The following PARP1 variants were observed in gnomAD, a reference collection of about 807,000 sequenced individuals.
The protein encoded by PARP1 is poly(ADP-ribose) polymerase 1, also known as poly [ADP-ribose] polymerase 1.
Under a neutral mutation model 118.7 loss-of-function variants are expected in PARP1, and 44 were observed. The ratio of observed to expected loss-of-function variants is 0.37; its 90% CI spans 0.29 to 0.48. PARP1 has a LOEUF of 0.48. PARP1 is among the 20% of genes least tolerant of loss of function. The pLI is 0.99. For synonymous variants in PARP1, 492 were observed against 483.2 expected (o/e 1.02, Z -0.24); for missense variants, 1,100 against 1,272.4 (o/e 0.86, Z 2.06).
At position 226,383,097 on chromosome 1, in the gene PARP1, C is replaced by T. The variant is rs1337157374; in HGVS notation, c.1098G>A (p.Ala366=). The T allele has an allele frequency of 5.0e-6, 8 of 1,613,050 alleles. No homozygotes were observed. The highest frequency in any genetic ancestry group is 3.3e-5 in the Admixed American group (2 of 60,014). ...AGGCTGTGGAGGGCGGAGGCGTGGC[C>T]GCCACGGAGGCGCTGGTTTCTGGGG... ...IFPPETSASV[A]ATPPPSTASA... The change falls in exon 8 of 23, where the codon GCG becomes GCA. Residue 366 remains alanine (A), a synonymous_variant. Coordinates refer to ENST00000366794, the MANE Select transcript of PARP1 (RefSeq NM_001618.4).
At chr1:226,363,308 T>A (rs1283314157) in intron 20 of PARP1, 148 bp from the exon 21 acceptor site, 2 of 708,534 alleles carry the variant, frequency 2.8e-6, no homozygotes, top group African/African-American at 3.5e-5. Flanking sequence ...CCCTCCTGAG[T>A]TTCTGGAACT....
In PARP1 at chr1:226,383,042, A is replaced by C. The variant is rs767449936; in HGVS notation, c.1153T>G (p.Ser385Ala). 6.2e-7 allele frequency: 1 copy of C among 1,612,820 alleles called. No individual in the cohort carries two copies. Among genetic ancestry groups the C allele is most frequent in the East Asian group, 2.2e-5 (1 of 44,886 alleles). ...GGGGTCCCAAATGCTGTACCTGCTGAAGCAGAGGAGTTCACAGCAGCAGGA... is the reference window on the plus strand; with the variant it reads ...GGGGTCCCAAATGCTGTACCTGCTGCAGCAGAGGAGTTCACAGCAGCAGGA... ...SAPAAVNSSA[S>A]ADKPLSNMKI... The change falls in exon 8 of 23, where the codon TCA (serine) becomes GCA (alanine). Residue 385 changes from serine to alanine, a missense_variant. By Grantham distance (99) the Ser-to-Ala change is moderately conservative. This residue lies in a region of PARP1 where 948 missense variants were observed against 1,031.8 expected (regional missense o/e 0.92). Transcript: ENST00000366794.
intron 20 of PARP1, among the ~76,000 whole-genome samples, 154 bp from the exon 21 acceptor site, chr1:226,363,314 G>C (rs924174891): frequency 1.3e-5 from 2 of 152,166 alleles, no homozygotes; most frequent in Non-Finnish European, 2.9e-5. Context: ...TGAGTTTCTG[G>C]AACTGTTCCA....
In PARP1 at chr1:226,377,308, A is replaced by G. The variant is rs757090772; in HGVS notation, c.1746-5T>C. On this transcript the variant is annotated splice_polypyrimidine_tract_variant and splice_region_variant and intron_variant, in intron 12 of 22. Transcript: ENST00000366794. ...CAGGACCTGAATATCCAATACCTGC[A>G]GTGGGAAGGAGGGTGTCAGATACAC... 1 of 1,611,830 alleles carries G rather than the reference A, an allele frequency of 6.2e-7. No homozygotes were observed. Among genetic ancestry groups the G allele is most frequent in the South Asian group, 1.1e-5 (1 of 91,034 alleles).
Position 226,381,201 on chromosome 1 carries a change from T to C in PARP1, c.1167A>G (p.Pro389=). 2 of 1,614,180 alleles carry C rather than the reference T, an allele frequency of 1.2e-6. No individual in the cohort carries two copies. Among genetic ancestry groups the C allele is most frequent in the South Asian group, 1.1e-5 (1 of 91,088 alleles). ...GAGTCAGGATCTTCATGTTGGATAA[T>C]GGCTTATCTGGGATGAAAGGAGAGA... ...AVNSSASADK[P]LSNMKILTLG... Residue 389 remains proline (P), a synonymous_variant, in exon 9 of 23, where the codon CCA becomes CCG. Coordinates refer to ENST00000366794, the MANE Select transcript of PARP1 (RefSeq NM_001618.4).
rs1199531585 is a variant in PARP1 at position 226,407,112 on chromosome 1, G to A, written c.120+698C>T. ...GAAGGCTCAGGAAACCTCAGAAGGGGATTCAATCTATCAAAAAGCCCACAT... is the reference window on the plus strand; with the variant it reads ...GAAGGCTCAGGAAACCTCAGAAGGGAATTCAATCTATCAAAAAGCCCACAT... On this transcript the variant is annotated intron_variant, in intron 1 of 22. Transcript: ENST00000366794. Among the ~76,000 whole-genome samples the A allele has an allele frequency of 3.9e-5, 6 of 152,218 alleles. No homozygotes were observed. In the South Asian group the frequency reaches 1.2e-3, roughly 32 times the overall value.
intron 15 of PARP1, among the ~76,000 whole-genome samples, chr1:226,369,007 G>A (rs956202513): frequency 6.6e-6 from 1 of 152,188 alleles, no homozygotes; most frequent in Non-Finnish European, 1.5e-5. Flanking sequence ...GAAGCCCCAC[G>A]CCTGCTTCTC....
At chr1:226,370,337 T>C in intron 15 of PARP1, 97 bp downstream of exon 15, 2 of 898,374 alleles carry the variant, frequency 2.2e-6, no homozygotes, top group Non-Finnish European at 3.8e-6. Flanking sequence ...TCCAGTTTCT[T>C]AACCTTGAGT....
chr1:226,384,364 T>C (rs73089880), intron 7 of PARP1, among the ~76,000 whole-genome samples: 4,011 of 152,360 alleles, frequency 0.026, 185 homozygotes, highest in African/African-American at 0.092. Flanking sequence ...GCTACAGAGC[T>C]GGCCTTGATT....
intron 2 of PARP1, among the ~76,000 whole-genome samples, chr1:226,399,551 T>G (rs1040643515): frequency 6.6e-6 from 1 of 152,158 alleles, no homozygotes; most frequent in Non-Finnish European, 1.5e-5. Context: ...GCACAGAGAT[T>G]TCCCAGGCAG....
chr1:226,381,137 T>G lies in PARP1; in HGVS notation c.1231A>C (p.Met411Leu). Residue 411 changes from methionine to leucine, a missense_variant, in exon 9 of 23, where the codon ATG (methionine) becomes CTG (leucine). Met to Leu is a conservative substitution (Grantham distance 15). Transcript: ENST00000366794. ...LSRNKDEVKAMIEKLGGKLTG... is the reference protein window; with the variant it reads ...LSRNKDEVKALIEKLGGKLTG... The stretch of plus-strand genomic sequence containing the variant: ...AACTTCCCCCCGAGTTTCTCAATCA[T>G]GGCCTTCACTTCATCCTTGTTCCGG... The G allele has an allele frequency of 6.2e-7, 1 of 1,614,188 alleles. No individual in the cohort carries two copies. Among genetic ancestry groups the G allele is most frequent in the Non-Finnish European group, 8.5e-7 (1 of 1,180,014 alleles).
At chr1:226,379,492 G>A (rs1008590801) in intron 11 of PARP1, 81 bp downstream of exon 11, 35 of 1,224,042 alleles carry the variant, frequency 2.9e-5, no homozygotes, top group Admixed American at 1.2e-4. Flanking sequence ...GGTATGCTGC[G>A]GGCATTTGGA....
At position 226,380,099 on chromosome 1, in the gene PARP1, C is replaced by T. The variant is rs1389888337; in HGVS notation, c.1366G>A (p.Glu456Lys). The change falls in exon 10 of 23, where the codon GAG becomes AAG. Residue 456 changes from glutamate (E) to lysine (K), a missense_variant. Coordinates refer to ENST00000366794, the MANE Select transcript of PARP1 (RefSeq NM_001618.4). ...GCGGAGACGTCCTGGAGGAAGTCCT[C>T]AGACACAACTCGGATGTTGGCTTCC... ...VKEANIRVVS[E>K]DFLQDVSAST... is the part of the protein sequence containing the mutation. The T allele has an allele frequency of 6.2e-7, 1 of 1,614,214 alleles. No individual in the cohort carries two copies. The highest frequency in any genetic ancestry group is 1.1e-5 in the South Asian group (1 of 91,082).
At chr1:226,402,445 T>A in intron 1 of PARP1, 66 bp from the exon 2 acceptor site, 1 of 1,468,696 alleles carries the variant, frequency 6.8e-7, no homozygotes, top group Non-Finnish European at 9.3e-7. Flanking sequence ...CCACTAGACC[T>A]TGACCTTGAC....
chr1:226,370,627 C>G, intron 14 of PARP1, 110 bp from the exon 15 acceptor site: 1 of 853,998 alleles, frequency 1.2e-6, no homozygotes, highest in Non-Finnish European at 2.0e-6. Context: ...CAGTCAGGAG[C>G]CTGCTGGGAT....
At chr1:226,378,656 T>G (rs1308143587) in intron 12 of PARP1, among the ~76,000 whole-genome samples, 3 of 152,082 alleles carry the variant, frequency 2.0e-5, no homozygotes, top group African/African-American at 4.8e-5. Flanking sequence ...GAGACCAGTC[T>G]GGGCAACACA....
At chr1:226,363,285 A>C in intron 20 of PARP1, 125 bp from the exon 21 acceptor site, 5 of 745,680 alleles carry the variant, frequency 6.7e-6, no homozygotes, top group African/African-American at 1.7e-5. Flanking sequence ...AGACCATCTA[A>C]ACTGCTCAGG....
At chr1:226,401,613 C>T (rs778090082) in intron 2 of PARP1, among the ~76,000 whole-genome samples, 4 of 152,158 alleles carry the variant, frequency 2.6e-5, no homozygotes, top group South Asian at 2.1e-4. Context: ...AGTTAGTCCT[C>T]GGTTTGGTTT....
intron 8 of PARP1, 140 bp from the exon 9 acceptor site, chr1:226,381,348 G>A: frequency 1.1e-6 from 1 of 925,826 alleles, no homozygotes; most frequent in Non-Finnish European, 1.7e-6. Flanking sequence ...AAACAGGACG[G>A]GACAGCAAGC....
Sources: gnomAD v4.1 joint callset for allele counts (sites outside exome capture counted in the v4.1 genomes callset) on GRCh38, gnomAD v4.1.1 for gene constraint, gnomAD v4.1.1 regional missense constraint, MANE v1.5 for transcripts, NCBI Gene and HGNC (gene_info 2026-07-23, HGNC 2026-07-21) for gene names.